The following SREBF1 variants were observed in gnomAD, a reference collection of about 807,000 sequenced individuals.
SREBF1 encodes sterol regulatory element-binding protein 1.
Under a neutral mutation model 100.1 loss-of-function variants are expected in SREBF1, and 45 were observed. The observed-to-expected ratio is 0.45, with a 90% CI of 0.35 to 0.58. SREBF1 has a LOEUF of 0.58. Ranked by LOEUF, SREBF1 falls within the 20% of genes least tolerant of loss-of-function variation. The pLI, the probability that SREBF1 is intolerant of heterozygous loss-of-function variation, is 0.00. For missense variants in SREBF1, 1,324 were observed against 1,539.4 expected, an observed-to-expected ratio of 0.86 and a Z score of 2.34; for synonymous variants, 657 against 681.8, an observed-to-expected ratio of 0.96 and a Z score of 0.57.
rs775300645 is a variant in SREBF1 at position 17,815,345 on chromosome 17, G to A, written c.2384-16C>T. On this transcript the variant is annotated splice_polypyrimidine_tract_variant and intron_variant, in intron 12 of 18. Transcript: ENST00000261646. Reference sequence around the variant, plus strand: ...AGGGGGTCCACTGTGGAGAGGAGGAGGTGAGTGGGGTGGGGAGCAGGGCCC... The same window carrying A: ...AGGGGGTCCACTGTGGAGAGGAGGAAGTGAGTGGGGTGGGGAGCAGGGCCC... The A allele has an allele frequency of 3.1e-6, 5 of 1,604,694 alleles. No individual in the cohort carries two copies. Among genetic ancestry groups the A allele is most frequent in the Non-Finnish European group, 4.3e-6 (5 of 1,172,194 alleles).
intron 1 of SREBF1, among the ~76,000 whole-genome samples, chr17:17,825,036 G>C (rs2034396347): frequency 6.6e-6 from 1 of 152,150 alleles, no homozygotes; most frequent in South Asian, 2.1e-4. Flanking sequence ...AGTGACTTAA[G>C]ACAGGGAAGC....
Position 17,817,164 on chromosome 17 carries a change from C to T in SREBF1, c.1607-28G>A, listed in dbSNP as rs2143013520. On this transcript the variant is annotated intron_variant, in intron 8 of 18. Coordinates refer to ENST00000261646, the MANE Select transcript of SREBF1 (RefSeq NM_004176.5). This position sits in a 1 kb window ranked among gnomAD's most constrained non-coding sequence, Gnocchi z 6.6. ...ATGGACAGAGGGAAAGCTGGGGACA[C>T]AGCTCCCAGGAAATCCAGAGCCCCA... The T allele has an allele frequency of 1.2e-6, 2 of 1,612,894 alleles. No homozygotes were observed. The highest frequency in any genetic ancestry group is 4.5e-5 in the East Asian group (2 of 44,876).
Position 17,813,758 on chromosome 17 carries a change from C to T in SREBF1, c.2913G>A (p.Leu971=), listed in dbSNP as rs769761001. 10 of 1,535,278 alleles carry T rather than the reference C, an allele frequency of 6.5e-6. No individual in the cohort carries two copies. Among genetic ancestry groups the T allele is most frequent in the Non-Finnish European group, 8.7e-6 (10 of 1,146,706 alleles). Residue 971 remains leucine (L), a synonymous_variant, in exon 17 of 19, where the codon CTG becomes CTA. Transcript: ENST00000261646. ...CCACAAGAAGCAGGTCACACAGGAA[C>T]AGCTGCACGGCCTGGGGGTGGCAGG... ...ASSSIDKAVQ[L]FLCDLLLVVR...
chr17:17,816,185 C>CCCCACCCCCCCCCTCCCCACTCCCG, intron 11 of SREBF1, 22 bp downstream of exon 11: 1 of 28,786 alleles, frequency 3.5e-5, no homozygotes, highest in Non-Finnish European at 6.2e-5. Flanking sequence ...GGGATAAGCC[C>CCCCACCCCCCCCCTCCCCACTCCCG]CCAGCCCCCC....
chr17:17,833,219 C>T (rs1019925542), intron 1 of SREBF1, among the ~76,000 whole-genome samples: 1 of 150,808 alleles, frequency 6.6e-6, no homozygotes, highest in African/African-American at 2.4e-5. Context: ...GTCAGGAGAT[C>T]GAGACCATCC....
chr17:17,819,180 C>T lies in SREBF1; in HGVS notation c.901G>A (p.Glu301Lys), dbSNP rs1207427387. The T allele has an allele frequency of 6.2e-7, 1 of 1,614,200 alleles. No homozygotes were observed. The highest frequency in any genetic ancestry group is 1.7e-5 in the Admixed American group (1 of 60,038). Residue 301 changes from glutamate (E) to lysine (K), a missense_variant, in exon 5 of 19, where the codon GAG (glutamate) becomes AAG (lysine). Coordinates refer to ENST00000261646, the MANE Select transcript of SREBF1 (RefSeq NM_004176.5). ...LATVPLVVDA[E>K]KLPINRLAAG... ...GCGAGCCGGTTGATAGGCAGCTTCT[C>T]CGCATCTACGACCAGTGGGACTGTT...
Position 17,811,903 on chromosome 17 carries a change from A to T in SREBF1, c.*719T>A, listed in dbSNP as rs13306739. ...GGGGAACAGGTAGGCTGGAGGCCAT[A>T]CAGCCAGCCCTCCCCACTCCTCCCA... On this transcript the variant is annotated 3_prime_UTR_variant, in exon 19 of 19. Coordinates refer to ENST00000261646, the MANE Select transcript of SREBF1 (RefSeq NM_004176.5). 9.8e-5 allele frequency: 43 copies of T among 439,148 alleles called. No individual in the cohort carries two copies. The East Asian group carries it at 1.3e-3, about 13-fold the overall frequency. 27.2% of individuals were successfully genotyped at this position (439,148 alleles called of 1,614,324 possible). A position where few individuals can be genotyped will look rare whatever the true frequency, so the allele number is the denominator to read the frequency against.
intron 1 of SREBF1, among the ~76,000 whole-genome samples, chr17:17,830,220 G>A (rs554155669): frequency 5.9e-5 from 9 of 152,010 alleles, no homozygotes; most frequent in African/African-American, 1.9e-4. Flanking sequence ...AAACAAACAG[G>A]GCCTTGCTAT....
intron 9 of SREBF1, 116 bp downstream of exon 9, chr17:17,816,842 A>G: frequency 1.3e-6 from 2 of 1,589,104 alleles, no homozygotes; most frequent in South Asian, 1.1e-5. Flanking sequence ...GGCTAGGCAC[A>G]GGGAGGACGG....
Position 17,816,596 on chromosome 17 carries a change from C to A in SREBF1, c.1908G>T (p.Leu636=). The part of the protein sequence containing the change: ...SLLWNLIRHL[L]QRLWVGRWLA... ...GCCAGCGGCCCACCCAGAGACGCTG[C>A]AGCAGGTGACGGATGAGGTTCCAGA... The change falls in exon 10 of 19, where the codon CTG becomes CTT. Residue 636 remains leucine, a synonymous_variant. Coordinates refer to ENST00000261646, the MANE Select transcript of SREBF1 (RefSeq NM_004176.5). 1 of 1,605,976 alleles carries A rather than the reference C, an allele frequency of 6.2e-7. No homozygotes were observed. Among genetic ancestry groups the A allele is most frequent in the Non-Finnish European group, 8.5e-7 (1 of 1,177,168 alleles).
rs568336585 is a variant in SREBF1, at chr17:17,817,424, G to C, written c.1438C>G (p.Arg480Gly). 1 of 1,594,856 alleles carries C rather than the reference G, an allele frequency of 6.3e-7. No individual in the cohort carries two copies. The stretch of plus-strand genomic sequence containing the variant: ...AGGCGGGAGCGGTCCAGCATGCCCC[G>C]GCTGTGCAGAGACGGCCGCTGCTCT... The part of the protein sequence containing the change: ...KPEQRPSLHS[R>G]GMLDRSRLAL... The change falls in exon 8 of 19, where the codon CGG becomes GGG. Residue 480 changes from arginine (R) to glycine (G), a missense_variant. By Grantham distance (125) the Arg-to-Gly change is moderately radical. Transcript: ENST00000261646. The surrounding 1 kb of genome is among the most constrained non-coding windows in gnomAD (Gnocchi z 6.6).
Position 17,816,871 on chromosome 17 carries a change from A to G in SREBF1, c.1785+87T>C. On this transcript the variant is annotated intron_variant, in intron 9 of 18. Transcript: ENST00000261646. The stretch of plus-strand genomic sequence containing the variant: ...AGGACGGGACAGATTCATGGTGTGC[A>G]CAGGGAGCAGGAACAAGGGTTGACA... The G allele has an allele frequency of 2.5e-6, 4 of 1,599,360 alleles. No individual in the cohort carries two copies. In the East Asian group the frequency reaches 6.7e-5, roughly 27 times the overall value.
Position 17,816,040 on chromosome 17 carries a change from G to A in SREBF1, c.2215-12C>T, listed in dbSNP as rs747117647. On this transcript the variant is annotated splice_polypyrimidine_tract_variant and intron_variant, in intron 11 of 18. Coordinates refer to ENST00000261646, the MANE Select transcript of SREBF1 (RefSeq NM_004176.5). ...CTCAGGAAGAAGCGCTGTAGGGGAG[G>A]GTACTGGGCTGTCACAGTGGACACA... 1 of 1,609,906 alleles carries A rather than the reference G, an allele frequency of 6.2e-7. No individual in the cohort carries two copies. Among genetic ancestry groups the A allele is most frequent in the Non-Finnish European group, 8.5e-7 (1 of 1,178,240 alleles).
intron 1 of SREBF1, among the ~76,000 whole-genome samples, chr17:17,833,604 AG>A (rs2035041773): frequency 1.3e-5 from 2 of 151,952 alleles, no homozygotes; most frequent in South Asian, 4.2e-4. Context: ...CAACTCAAAA[AG>A]TTAACTAAAA....
At chr17:17,814,216 C>T (rs2033285983) in intron 16 of SREBF1, 29 bp downstream of exon 16, 4 of 1,586,370 alleles carry the variant, frequency 2.5e-6, no homozygotes, top group Non-Finnish European at 3.4e-6. Flanking sequence ...ATCCCCCAGC[C>T]CTGCCAGGCC....
intron 1 of SREBF1, among the ~76,000 whole-genome samples, chr17:17,826,972 T>C (rs2143035169): frequency 6.6e-6 from 1 of 152,322 alleles, no homozygotes; most frequent in East Asian, 1.9e-4. Context: ...TCTCTGACAA[T>C]ATCTACTGTG....
At chr17:17,821,333 C>T (rs1249835461) in intron 1 of SREBF1, among the ~76,000 whole-genome samples, 1 of 152,172 alleles carries the variant, frequency 6.6e-6, no homozygotes, top group East Asian at 1.9e-4. Flanking sequence ...TTCCCTGGCT[C>T]CACTTGGGGC....
rs371153541 is a variant in SREBF1 at position 17,818,401 on chromosome 17, C to T, written c.1069-27G>A. 38 of 1,573,178 alleles carry T rather than the reference C, an allele frequency of 2.4e-5. No homozygotes were observed. The African/African-American group carries it at 4.2e-4, about 17-fold the overall frequency. ...TGCACGGTGTGGGAGGGAGGGGGAG[C>T]GCACAGGTGGCCTGTCAGGTCGGGG... is the stretch of plus-strand genomic sequence containing the variant. On this transcript the variant is annotated intron_variant, in intron 5 of 18. Transcript: ENST00000261646.
chr17:17,818,430 G>T (rs2033822280), intron 5 of SREBF1, 56 bp from the exon 6 acceptor site: 10 of 1,396,926 alleles, frequency 7.2e-6, no homozygotes, highest in Non-Finnish European at 1.0e-5. Context: ...GTCGGGGGTT[G>T]TGGGGTTGGA....
Sources: allele counts gnomAD v4.1 joint callset (sites outside exome capture counted in the v4.1 genomes callset), GRCh38; gene constraint gnomAD v4.1.1; non-coding constraint Gnocchi (gnomAD v3.1); transcripts MANE v1.5; gene names NCBI Gene and HGNC (gene_info 2026-07-23, HGNC 2026-07-21).